The following IGFBP2 variants were observed in gnomAD, a reference collection of about 807,000 sequenced individuals.
IGFBP2 encodes insulin like growth factor binding protein 2, also known as insulin-like growth factor-binding protein 2.
A neutral mutation model predicts 26.2 loss-of-function variants in IGFBP2; 12 were observed. The ratio of observed to expected loss-of-function variants is 0.46; its 90% CI spans 0.29 to 0.74. IGFBP2 has a LOEUF of 0.74. IGFBP2 is among the 30% of genes least tolerant of loss of function. The pLI, the probability that IGFBP2 is intolerant of heterozygous loss-of-function variation, is 0.09. For missense variants in IGFBP2, 328 were observed against 441.2 expected, an observed-to-expected ratio of 0.74 and a Z score of 2.30; for synonymous variants, 189 against 200.6, an observed-to-expected ratio of 0.94 and a Z score of 0.49.
At chr2:216,638,981 A>G (rs567894593) in intron 1 of IGFBP2, among the ~76,000 whole-genome samples, 11 of 147,128 alleles carry the variant, frequency 7.5e-5, no homozygotes, top group South Asian at 4.3e-4. Flanking sequence ...GATTACAGGC[A>G]TGAGCCACGG....
chr2:216,657,723 C>T (rs1228890309), intron 1 of IGFBP2, among the ~76,000 whole-genome samples: 4 of 152,192 alleles, frequency 2.6e-5, no homozygotes, highest in Non-Finnish European at 5.9e-5. Flanking sequence ...CCAACCTAGC[C>T]TGGAGGCGCA....
chr2:216,659,287 C>G (rs962594607), intron 1 of IGFBP2, among the ~76,000 whole-genome samples: 1 of 152,200 alleles, frequency 6.6e-6, no homozygotes, highest in Admixed American at 6.5e-5. Flanking sequence ...AGTGAATACT[C>G]TTGTATAGAG....
chr2:216,658,498 A>G (rs1011708480), intron 1 of IGFBP2, among the ~76,000 whole-genome samples: 5 of 151,956 alleles, frequency 3.3e-5, no homozygotes, highest in East Asian at 1.9e-4. Flanking sequence ...AGCAACATGG[A>G]TATAGAATTT....
chr2:216,639,178 A>T (rs1697564416), intron 1 of IGFBP2, among the ~76,000 whole-genome samples: 1 of 151,958 alleles, frequency 6.6e-6, no homozygotes, highest in Non-Finnish European at 1.5e-5. Flanking sequence ...GAATTCACGC[A>T]TGCACCACCA....
intron 1 of IGFBP2, among the ~76,000 whole-genome samples, chr2:216,650,620 C>T (rs536801806): frequency 6.6e-5 from 10 of 152,164 alleles, no homozygotes; most frequent in Admixed American, 1.3e-4. Flanking sequence ...TGAGCTCTTC[C>T]GCACTCAGCT....
intron 1 of IGFBP2, among the ~76,000 whole-genome samples, chr2:216,635,117 C>G (rs555537351): frequency 4.1e-4 from 63 of 152,158 alleles, no homozygotes; most frequent in African/African-American, 1.5e-3. Flanking sequence ...ACCCCATGCA[C>G]CAACCCGCCT....
In IGFBP2 at chr2:216,633,576, T is replaced by TGCCGCCGCC. The variant is rs1405430551; in HGVS notation, c.58_59insCGCCGCCGC (p.Pro19_Leu20insProProPro). On this transcript the variant is annotated inframe_insertion, in exon 1 of 4. Transcript: ENST00000233809. Reference sequence around the variant, plus strand: ...CTGCCGCTGCCGCCGCCGCCGCTGCTGCCGCTGCTGCTGCTGCTACTGGGC... The same window carrying TGCCGCCGCC: ...CTGCCGCTGCCGCCGCCGCCGCTGCTGCCGCCGCCGCCGCTGCTGCTGCTGCTACTGGGC... The TGCCGCCGCC allele has an allele frequency of 1.5e-5, 15 of 1,013,750 alleles. No individual in the cohort carries two copies. Among genetic ancestry groups the TGCCGCCGCC allele is most frequent in the African/African-American group, 1.8e-5 (1 of 56,672 alleles). 62.8% of individuals were successfully genotyped at this position (1,013,750 alleles called of 1,614,324 possible).
intron 1 of IGFBP2, among the ~76,000 whole-genome samples, chr2:216,651,834 A>C (rs1697830827): frequency 6.6e-6 from 1 of 152,198 alleles, no homozygotes; most frequent in Non-Finnish European, 1.5e-5. Context: ...GGCTCACTGC[A>C]AGAAGTGAAC....
intron 1 of IGFBP2, among the ~76,000 whole-genome samples, chr2:216,645,760 A>G (rs1697700016): frequency 6.6e-6 from 1 of 152,172 alleles, no homozygotes; most frequent in Admixed American, 6.5e-5. Context: ...GACAGCTGCC[A>G]CTTTGCTTTG....
intron 1 of IGFBP2, among the ~76,000 whole-genome samples, chr2:216,657,006 C>T (rs1442850406): frequency 6.6e-6 from 1 of 152,134 alleles, no homozygotes; most frequent in Non-Finnish European, 1.5e-5. Flanking sequence ...CAAGGGTGAT[C>T]TCAGGTACCA....
chr2:216,642,655 T>C lies in IGFBP2; in HGVS notation c.442+8690T>C, dbSNP rs1697640216. Among the ~76,000 whole-genome samples the C allele has an allele frequency of 2.0e-5, 3 of 152,200 alleles. No individual in the cohort carries two copies. The South Asian group carries it at 6.2e-4, about 32-fold the overall frequency. On this transcript the variant is annotated intron_variant, in intron 1 of 3. Transcript: ENST00000233809. Reference sequence around the variant, plus strand: ...GTTGGGCAGTGCTCTTTGGATCCGATGTGCTGATGTCTAGGACTGACTGTT... The same window carrying C: ...GTTGGGCAGTGCTCTTTGGATCCGACGTGCTGATGTCTAGGACTGACTGTT...
At chr2:216,639,841 C>A (rs901895480) in intron 1 of IGFBP2, among the ~76,000 whole-genome samples, 1 of 152,104 alleles carries the variant, frequency 6.6e-6, no homozygotes, top group African/African-American at 2.4e-5. Flanking sequence ...CAGGTTTTCA[C>A]CATGTTGGCC....
chr2:216,633,837 G>T lies in IGFBP2; in HGVS notation c.314G>T (p.Cys105Phe). ...GEACGVYTPR[C>F]GQGLRCYPHP... ...GCGTGCGGCGTCTACACCCCGCGCT[G>T]CGGCCAGGGGCTGCGCTGCTATCCC... Residue 105 changes from cysteine (C) to phenylalanine (F), a missense_variant, in exon 1 of 4, where the codon TGC becomes TTC. By Grantham distance (205) the Cys-to-Phe change is radical (BLOSUM62 -2). Coordinates refer to ENST00000233809, the MANE Select transcript of IGFBP2 (RefSeq NM_000597.3). 6.5e-7 allele frequency: 1 copy of T among 1,541,256 alleles called. No individual in the cohort carries two copies.
At chr2:216,660,026 G>A (rs906868368) in intron 1 of IGFBP2, among the ~76,000 whole-genome samples, 6 of 152,106 alleles carry the variant, frequency 3.9e-5, no homozygotes, top group Non-Finnish European at 8.8e-5. Flanking sequence ...GGTGATGTCT[G>A]TGGCACGAGT....
chr2:216,647,141 G>A (rs1484332301), intron 1 of IGFBP2, among the ~76,000 whole-genome samples: 1 of 152,174 alleles, frequency 6.6e-6, no homozygotes, highest in Non-Finnish European at 1.5e-5. Context: ...GGAAGAGCTT[G>A]ATGTTAAATA....
At chr2:216,656,946 C>T (rs1202991244) in intron 1 of IGFBP2, among the ~76,000 whole-genome samples, 5 of 152,174 alleles carry the variant, frequency 3.3e-5, no homozygotes, top group Non-Finnish European at 7.3e-5. Flanking sequence ...GAAACCCTTC[C>T]TGCCTCTGTG....
chr2:216,659,402 C>T (rs1456710592), intron 1 of IGFBP2, among the ~76,000 whole-genome samples: 1 of 152,246 alleles, frequency 6.6e-6, no homozygotes, highest in African/African-American at 2.4e-5. Context: ...CACCCCTCTG[C>T]ACCCACCCAG....
At chr2:216,634,935 C>T (rs1697465848) in intron 1 of IGFBP2, among the ~76,000 whole-genome samples, 1 of 142,878 alleles carries the variant, frequency 7.0e-6, no homozygotes, top group African/African-American at 2.6e-5. Flanking sequence ...CCCCAGTGGT[C>T]GGGAGGAAGC....
intron 1 of IGFBP2, among the ~76,000 whole-genome samples, chr2:216,657,535 C>A (rs903413263): frequency 3.9e-5 from 6 of 152,132 alleles, no homozygotes; most frequent in African/African-American, 1.4e-4. Flanking sequence ...GGTGACTCAG[C>A]GTCCCTGTTC....
Sources: gnomAD v4.1 joint callset for allele counts (sites outside exome capture counted in the v4.1 genomes callset) on GRCh38, gnomAD v4.1.1 for gene constraint, MANE v1.5 for transcripts, NCBI Gene and HGNC (gene_info 2026-07-23, HGNC 2026-07-21) for gene names.